The following WDR11 variants were observed in gnomAD, a reference collection of about 807,000 sequenced individuals.
WDR11 encodes WD repeat domain 11, also known as WD repeat-containing protein 11.
Under a neutral mutation model 151.2 loss-of-function variants are expected in WDR11, and 83 were observed. The ratio of observed to expected loss-of-function variants is 0.55; its 90% confidence interval spans 0.46 to 0.66. WDR11 has a LOEUF of 0.66. Ranked by LOEUF, WDR11 falls within the 30% of genes least tolerant of loss-of-function variation. The pLI is 0.00. For synonymous variants in WDR11, 484 were observed against 533.1 expected, an observed-to-expected ratio of 0.91 and a Z score of 1.27; for missense variants, 1,301 against 1,480.9, an observed-to-expected ratio of 0.88 and a Z score of 1.99.
chr10:120,894,182 G>T (rs984267932), intron 19 of WDR11, among the ~76,000 whole-genome samples: 2 of 151,842 alleles, frequency 1.3e-5, no homozygotes, highest in Middle Eastern at 3.4e-3. Flanking sequence ...CATCTTGAAT[G>T]AATTTTTGTA....
At chr10:120,853,500 C>T (rs57595498) in intron 2 of WDR11, among the ~76,000 whole-genome samples, 129 of 152,170 alleles carry the variant, frequency 8.5e-4, no homozygotes, top group African/African-American at 2.8e-3. Context: ...CTCCTGACCT[C>T]GTGATCCACC....
Position 120,885,864 on chromosome 10 carries a change from A to C in WDR11, c.1899A>C (p.Ala633=). The C allele has an allele frequency of 6.2e-7, 1 of 1,613,498 alleles. No individual in the cohort carries two copies. Among genetic ancestry groups the C allele is most frequent in the Non-Finnish European group, 8.5e-7 (1 of 1,179,714 alleles). Residue 633 remains alanine (A), a synonymous_variant, in exon 15 of 29, where the codon GCA becomes GCC. Transcript: ENST00000263461. ...NLKSLRKKQL[A]TREAMARQTV... ...AGAGCCTGAGAAAGAAGCAACTTGC[A>C]ACTCGAGAGGCCATGGCCCGCCAGA...
chr10:120,862,729 A>G lies in WDR11; in HGVS notation c.527-6A>G, dbSNP rs1051398548. On this transcript the variant is annotated splice_region_variant and splice_polypyrimidine_tract_variant and intron_variant, in intron 4 of 28. Transcript: ENST00000263461. ...TTTAATCAGAGTTTTGCTTTTCTCA[A>G]TATAGTGCTTACCAGCGAGGGTATT... The G allele has an allele frequency of 1.2e-6, 2 of 1,613,940 alleles. No individual in the cohort carries two copies. The highest frequency in any genetic ancestry group is 1.7e-6 in the Non-Finnish European group (2 of 1,179,986).
Position 120,909,070 on chromosome 10 carries a change from A to G in WDR11, c.*357A>G, listed in dbSNP as rs1376314739. The G allele has an allele frequency of 7.1e-6, 2 of 283,444 alleles. No individual in the cohort carries two copies. The highest frequency in any genetic ancestry group is 1.4e-5 in the Non-Finnish European group (2 of 147,080). 17.6% of individuals were successfully genotyped at this position (283,444 alleles called of 1,614,324 possible). On this transcript the variant is annotated 3_prime_UTR_variant, in exon 29 of 29. Coordinates refer to ENST00000263461, the MANE Select transcript of WDR11 (RefSeq NM_018117.12). ...GATTAAATGTAAAGATTATTGAGAA[A>G]CCTATAGTAAATGAAATTTGTGAGA...
intron 11 of WDR11, among the ~76,000 whole-genome samples, chr10:120,875,987 T>C (rs1358098376): frequency 6.7e-6 from 1 of 148,478 alleles, no homozygotes; most frequent in Non-Finnish European, 1.5e-5. Flanking sequence ...TCTTTTTTTT[T>C]TTTTTTTTGA....
chr10:120,881,153 T>G (rs11199623), intron 13 of WDR11, among the ~76,000 whole-genome samples: 2 of 152,228 alleles, frequency 1.3e-5, no homozygotes, highest in Non-Finnish European at 2.9e-5. Flanking sequence ...AAAGTTCTTA[T>G]GTACTTCTAT....
chr10:120,889,862 A>G (rs1308024319), intron 17 of WDR11, 33 bp from the exon 18 acceptor site: 2 of 1,432,682 alleles, frequency 1.4e-6, no homozygotes, highest in South Asian at 1.2e-5. Flanking sequence ...CTCACTCTAC[A>G]TTGTATTGAT....
At chr10:120,856,842 T>C (rs1279367690) in intron 2 of WDR11, among the ~76,000 whole-genome samples, 2 of 152,080 alleles carry the variant, frequency 1.3e-5, no homozygotes, top group African/African-American at 4.8e-5. Context: ...CAATTCTTGT[T>C]ATTTGTGGTA....
Position 120,909,075 on chromosome 10 carries a change from T to C in WDR11, c.*362T>C, listed in dbSNP as rs913699804. ...AATGTAAAGATTATTGAGAAACCTA[T>C]AGTAAATGAAATTTGTGAGATGTTT... On this transcript the variant is annotated 3_prime_UTR_variant, in exon 29 of 29. Coordinates refer to ENST00000263461, the MANE Select transcript of WDR11 (RefSeq NM_018117.12). 1.1e-5 allele frequency: 3 copies of C among 280,312 alleles called. No individual in the cohort carries two copies. The allele number at this position is 280,312 out of a possible 1,614,324, so 17.4% of individuals were successfully genotyped here. A position where few individuals can be genotyped will look rare whatever the true frequency, so the allele number is the denominator to read the frequency against.
chr10:120,908,911 A>G lies in WDR11; in HGVS notation c.*198A>G. The G allele has an allele frequency of 1.6e-6, 1 of 619,572 alleles. No homozygotes were observed. Among genetic ancestry groups the G allele is most frequent in the South Asian group, 1.9e-5 (1 of 52,118 alleles). 38.4% of individuals were successfully genotyped at this position (619,572 alleles called of 1,614,324 possible). On this transcript the variant is annotated 3_prime_UTR_variant, in exon 29 of 29. Coordinates refer to ENST00000263461, the MANE Select transcript of WDR11 (RefSeq NM_018117.12). ...TAAGTTTGTATCCTGCGTTGGTCTC[A>G]GAAAGAACGTGAATGCTTAAGATTT...
At chr10:120,880,980 G>A in intron 13 of WDR11, 79 bp downstream of exon 13, 1 of 1,180,894 alleles carries the variant, frequency 8.5e-7, no homozygotes, top group South Asian at 1.3e-5. Flanking sequence ...TAAGAAAATG[G>A]GAATGTGCTG....
chr10:120,885,936 C>G lies in WDR11; in HGVS notation c.1971C>G (p.Ile657Met). ...TGAGTATTGTTGAATCATCTGTGAT[C>G]AGGTACAGTACAGTGTTTCTTGACA... is the stretch of plus-strand genomic sequence containing the variant. ...TELSIVESSV[I>M]SLLQEAESKS... Residue 657 changes from isoleucine (I) to methionine (M), a missense_variant and splice_region_variant, in exon 15 of 29, where the codon ATC (isoleucine) becomes ATG (methionine). Ile to Met is a conservative substitution (Grantham distance 10, BLOSUM62 1). This residue lies in a region of WDR11 where 20 missense variants were observed against 47.8 expected (regional missense o/e 0.42). Coordinates refer to ENST00000263461, the MANE Select transcript of WDR11 (RefSeq NM_018117.12). The G allele has an allele frequency of 6.2e-7, 1 of 1,613,284 alleles. No individual in the cohort carries two copies. The highest frequency in any genetic ancestry group is 8.5e-7 in the Non-Finnish European group (1 of 1,179,616).
In WDR11 at chr10:120,852,782, A is replaced by G. The variant is rs1845825675; in HGVS notation, c.198+147A>G. Reference sequence around the variant, plus strand: ...ATTTGGGGTAGCCTAGAATTTTCATATATATGACTTAATGTCAATACAGGG... The same window carrying G: ...ATTTGGGGTAGCCTAGAATTTTCATGTATATGACTTAATGTCAATACAGGG... On this transcript the variant is annotated intron_variant, in intron 2 of 28. Transcript: ENST00000263461. The G allele has an allele frequency of 1.5e-5, 10 of 683,916 alleles. No homozygotes were observed. In the South Asian group the frequency reaches 1.7e-4, roughly 12 times the overall value. The allele number at this position is 683,916 out of a possible 1,614,324, so 42.4% of individuals were successfully genotyped here.
intron 28 of WDR11, 55 bp downstream of exon 28, chr10:120,906,910 T>C: frequency 6.2e-7 from 1 of 1,613,354 alleles, no homozygotes; most frequent in Non-Finnish European, 8.5e-7. Flanking sequence ...ATGCATGGGT[T>C]TTGGAATTTC....
At chr10:120,851,822 C>G in intron 1 of WDR11, 1 of 483,096 alleles carries the variant, frequency 2.1e-6, no homozygotes, top group South Asian at 2.1e-5. Flanking sequence ...GCTTCTCTCT[C>G]TCCACCATTA....
At position 120,904,908 on chromosome 10, in the gene WDR11, A is replaced by G. The variant is rs1297053165; in HGVS notation, c.3193+97A>G. 8 of 1,428,282 alleles carry G rather than the reference A, an allele frequency of 5.6e-6. No individual in the cohort carries two copies. The African/African-American group carries it at 9.9e-5, about 18-fold the overall frequency. The allele number at this position is 1,428,282 out of a possible 1,614,324, so 88.5% of individuals were successfully genotyped here. ...GTAGGGACATTTCTTTCTCTTTTAC[A>G]TATGCTGAAGAAAAATAGAAAAATT... On this transcript the variant is annotated intron_variant, in intron 25 of 28. Transcript: ENST00000263461.
intron 12 of WDR11, chr10:120,878,911 T>C (rs1322026715): frequency 1.3e-5 from 2 of 153,016 alleles, no homozygotes; most frequent in Non-Finnish European, 2.9e-5. Flanking sequence ...GCTGAATGAA[T>C]AGAGAAACTT....
chr10:120,857,860 T>TA (rs1379201505), intron 2 of WDR11, among the ~76,000 whole-genome samples: 1 of 152,164 alleles, frequency 6.6e-6, no homozygotes, highest in Non-Finnish European at 1.5e-5. Flanking sequence ...CTATGGAACT[T>TA]ACAGTTGATG....
At chr10:120,903,664 C>T (rs575845295) in intron 23 of WDR11, among the ~76,000 whole-genome samples, 1 of 152,128 alleles carries the variant, frequency 6.6e-6, no homozygotes, top group Non-Finnish European at 1.5e-5. Flanking sequence ...ATTTGTCTTA[C>T]ATTTTTAACT....
Sources: gnomAD v4.1 joint callset for allele counts (sites outside exome capture counted in the v4.1 genomes callset) on GRCh38, gnomAD v4.1.1 for gene constraint, gnomAD v4.1.1 regional missense constraint, MANE v1.5 for transcripts, NCBI Gene and HGNC (gene_info 2026-07-23, HGNC 2026-07-21) for gene names.